WWP2: variants seen among roughly 807,000 people sequenced by gnomAD.
The protein encoded by WWP2 is NEDD4-like E3 ubiquitin-protein ligase WWP2.
A neutral mutation model predicts 121.0 loss-of-function variants in WWP2; 57 were observed. The observed-to-expected ratio is 0.47, with a 90% CI of 0.38 to 0.59. The LOEUF (loss-of-function observed/expected upper bound fraction) is 0.59. WWP2 is among the 20% of genes least tolerant of loss of function. The probability of loss-of-function intolerance (pLI) is 0.00; values close to 1 mark genes in which losing one functional copy is unlikely to be tolerated. For synonymous variants in WWP2, 449 were observed against 441.3 expected (o/e 1.02, Z -0.22); for missense variants, 962 against 1,158.9 (o/e 0.83, Z 2.47).
At chr16:69,930,015 C>G (rs955195060) in intron 12 of WWP2, 115 bp from the exon 13 acceptor site, 4 of 1,497,502 alleles carry the variant, frequency 2.7e-6, no homozygotes, top group Non-Finnish European at 3.6e-6. Flanking sequence ...TGCATGTCCT[C>G]AAAGTCCCTC....
At chr16:69,882,160 T>C (rs765313515) in intron 7 of WWP2, among the ~76,000 whole-genome samples, 4 of 152,098 alleles carry the variant, frequency 2.6e-5, no homozygotes, top group Non-Finnish European at 5.9e-5. Context: ...TTCACCATGT[T>C]GACCACACTG....
intron 6 of WWP2, among the ~76,000 whole-genome samples, chr16:69,855,084 C>T (rs1188921709): frequency 1.3e-5 from 2 of 151,426 alleles, no homozygotes; most frequent in Admixed American, 6.6e-5. Flanking sequence ...TGAACTCAAG[C>T]GATCCACCAG....
chr16:69,829,942 C>T (rs2056764710), intron 4 of WWP2, among the ~76,000 whole-genome samples: 1 of 142,838 alleles, frequency 7.0e-6, no homozygotes. Context: ...AGGCACACGC[C>T]ACTGCGCCCA....
intron 7 of WWP2, among the ~76,000 whole-genome samples, chr16:69,887,554 C>T (rs1356481745): frequency 2.0e-5 from 3 of 151,986 alleles, no homozygotes; most frequent in Non-Finnish European, 2.9e-5. Context: ...TATAGGTGTG[C>T]GCCACCATGC....
At position 69,939,347 on chromosome 16, in the gene WWP2, A is replaced by G; in HGVS notation, c.2447A>G (p.Asn816Ser). The change falls in exon 23 of 24, where the codon AAC (asparagine) becomes AGC (serine). Residue 816 changes from asparagine to serine, a missense_variant. Asn to Ser is a conservative substitution (Grantham distance 46, BLOSUM62 1). Transcript: ENST00000359154. ...GTTTTACCTTGGATCACAGGTAGCAACGGACCACAGAAGTTTTGCATTGAC... is the reference window on the plus strand; with the variant it reads ...GTTTTACCTTGGATCACAGGTAGCAGCGGACCACAGAAGTTTTGCATTGAC... Reference protein sequence around the residue: ...VGGFAELIGSNGPQKFCIDKV... With the variant: ...VGGFAELIGSSGPQKFCIDKV... 1 of 1,614,202 alleles carries G rather than the reference A, an allele frequency of 6.2e-7. No individual in the cohort carries two copies. Among genetic ancestry groups the G allele is most frequent in the South Asian group, 1.1e-5 (1 of 91,088 alleles).
chr16:69,896,254 T>G (rs987688163), intron 8 of WWP2, among the ~76,000 whole-genome samples: 1 of 152,190 alleles, frequency 6.6e-6, no homozygotes, highest in African/African-American at 2.4e-5. Context: ...CCCAAGTAGC[T>G]GGGACTACCA....
chr16:69,860,135 A>G (rs994418185), intron 6 of WWP2, among the ~76,000 whole-genome samples: 1 of 152,070 alleles, frequency 6.6e-6, no homozygotes, highest in Non-Finnish European at 1.5e-5. Context: ...TAGGAGTTCA[A>G]GACCCCCATC....
At chr16:69,887,342 C>T (rs763448196) in intron 7 of WWP2, among the ~76,000 whole-genome samples, 33 of 151,960 alleles carry the variant, frequency 2.2e-4, no homozygotes, top group Non-Finnish European at 4.1e-4. Flanking sequence ...AAACAAATGA[C>T]AAATTTAAAG....
intron 4 of WWP2, among the ~76,000 whole-genome samples, chr16:69,807,777 A>G (rs1043782539): frequency 1.3e-5 from 2 of 151,658 alleles, no homozygotes; most frequent in Non-Finnish European, 2.9e-5. Context: ...ACATAGTGAG[A>G]CCCTGTTTCT....
At chr16:69,934,330 T>G (rs976123377) in intron 17 of WWP2, among the ~76,000 whole-genome samples, 3 of 151,970 alleles carry the variant, frequency 2.0e-5, no homozygotes, top group Non-Finnish European at 4.4e-5. Context: ...TGGCTCACCC[T>G]CTCGGGGCTC....
intron 13 of WWP2, among the ~76,000 whole-genome samples, chr16:69,930,788 C>T (rs1389655300): frequency 2.0e-5 from 3 of 152,168 alleles, no homozygotes; most frequent in African/African-American, 7.2e-5. Context: ...GGGAGGATCG[C>T]TTAAGACCAG....
Position 69,871,924 on chromosome 16 carries a change from T to TGGCACAGGTGAGTGATGGCAC in WWP2, c.697_703+14dup. ...ACTCAGGCCACAGTGGCTTGGCCAA[T>TGGCACAGGTGAGTGATGGCAC]GGCACAGGTGAGTGATGGCACCGCA... is the stretch of plus-strand genomic sequence containing the variant. On this transcript the variant is annotated stop_gained and inframe_insertion, in exon 7 of 24. Transcript: ENST00000359154. LOFTEE classifies it high-confidence loss of function. 6.2e-7 allele frequency: 1 copy of TGGCACAGGTGAGTGATGGCAC among 1,613,534 alleles called. No homozygotes were observed. Among genetic ancestry groups the TGGCACAGGTGAGTGATGGCAC allele is most frequent in the Non-Finnish European group, 8.5e-7 (1 of 1,179,824 alleles).
At chr16:69,765,305 T>C (rs1326712450) in intron 1 of WWP2, among the ~76,000 whole-genome samples, 1 of 152,176 alleles carries the variant, frequency 6.6e-6, no homozygotes, top group Admixed American at 6.6e-5. Flanking sequence ...TAAAATGTAT[T>C]TCCTAGAAAA....
At chr16:69,769,385 T>A (rs2055366621) in intron 1 of WWP2, among the ~76,000 whole-genome samples, 1 of 151,864 alleles carries the variant, frequency 6.6e-6, no homozygotes, top group African/African-American at 2.4e-5. Flanking sequence ...AAGCTCTGCC[T>A]GTTTCTACAG....
In WWP2 at chr16:69,930,134, AT is replaced by A; in HGVS notation, c.1322del (p.Ile441ThrfsTer12). The A allele has an allele frequency of 1.9e-6, 3 of 1,614,006 alleles. No homozygotes were observed. The highest frequency in any genetic ancestry group is 2.5e-6 in the Non-Finnish European group (3 of 1,179,944). On this transcript the variant is annotated frameshift_variant, in exon 13 of 24. Coordinates refer to ENST00000359154, the MANE Select transcript of WWP2 (RefSeq NM_001270454.2). LOFTEE classifies it high-confidence loss of function. ...CTTTTCTTCCCGTGTTTCCAGGATG[AT>A]CCAGGAACCAGCTCTGCCCCCAGGA... is the stretch of plus-strand genomic sequence containing the variant. ...QWEDPRTQGM[I>X]QEPALPPGWE...
At chr16:69,902,584 G>T (rs958192776) in intron 8 of WWP2, among the ~76,000 whole-genome samples, 2 of 152,202 alleles carry the variant, frequency 1.3e-5, no homozygotes, top group Non-Finnish European at 2.9e-5. Context: ...TATCGAGGGG[G>T]ACAGGAGATG....
intron 21 of WWP2, 131 bp from the exon 22 acceptor site, chr16:69,938,896 A>G (rs977735916): frequency 4.1e-6 from 3 of 738,408 alleles, no homozygotes; most frequent in African/African-American, 1.8e-5. Context: ...GGAGGCTGTC[A>G]TCCCCTGGCC....
chr16:69,907,059 G>T (rs191394519), intron 8 of WWP2, among the ~76,000 whole-genome samples: 2 of 152,278 alleles, frequency 1.3e-5, no homozygotes, highest in African/African-American at 2.4e-5. Context: ...CAGTAAATAT[G>T]GCATTTTCTC....
At chr16:69,865,422 T>C (rs930778347) in intron 6 of WWP2, among the ~76,000 whole-genome samples, 5 of 152,224 alleles carry the variant, frequency 3.3e-5, no homozygotes, top group Non-Finnish European at 7.3e-5. Context: ...TCTCTATCAA[T>C]TCTAGATAAA....
Sources: allele counts gnomAD v4.1 joint callset (sites outside exome capture counted in the v4.1 genomes callset), GRCh38; gene constraint gnomAD v4.1.1; transcripts MANE v1.5; gene names NCBI Gene and HGNC (gene_info 2026-07-23, HGNC 2026-07-21).